LRRTM4: variants seen among roughly 807,000 people sequenced by gnomAD.
LRRTM4 encodes leucine-rich repeat transmembrane neuronal protein 4.
In LRRTM4, 25 loss-of-function variants were observed where a neutral mutation model predicts 47.6. That is an observed-to-expected ratio of 0.53 (90% CI 0.38 to 0.73). LRRTM4 has a LOEUF of 0.73. LRRTM4 is among the 30% of genes least tolerant of loss of function. The pLI, the probability that LRRTM4 is intolerant of heterozygous loss-of-function variation, is 0.00. For missense variants in LRRTM4, 638 were observed against 713.4 expected (o/e 0.89, Z 1.20); for synonymous variants, 311 against 269.5 (o/e 1.15, Z -1.51).
At chr2:77,422,675 T>C (rs1291869956) in intron 3 of LRRTM4, among the ~76,000 whole-genome samples, 1 of 152,180 alleles carries the variant, frequency 6.6e-6, no homozygotes, top group South Asian at 2.1e-4. Flanking sequence ...GGCCTGATGA[T>C]GATATAGAGT....
At chr2:76,865,396 GCC>G (rs1672436496) in intron 3 of LRRTM4, among the ~76,000 whole-genome samples, 2 of 152,088 alleles carry the variant, frequency 1.3e-5, no homozygotes, top group Non-Finnish European at 2.9e-5. Context: ...GATTTACATG[GCC>G]CACCTAGCTC....
chr2:77,035,771 A>G (rs1402898038), intron 3 of LRRTM4, among the ~76,000 whole-genome samples: 1 of 151,758 alleles, frequency 6.6e-6, no homozygotes, highest in African/African-American at 2.4e-5. Flanking sequence ...TTGTTTAGTA[A>G]TTTACCTGTT....
intron 3 of LRRTM4, among the ~76,000 whole-genome samples, chr2:77,384,449 C>T (rs1057173338): frequency 6.6e-6 from 1 of 151,712 alleles, no homozygotes; most frequent in African/African-American, 2.4e-5. Flanking sequence ...GTGTTTTGTA[C>T]AATGTCTAAC....
intron 3 of LRRTM4, among the ~76,000 whole-genome samples, chr2:76,894,646 CA>C (rs1673353866): frequency 1.3e-5 from 2 of 151,826 alleles, no homozygotes; most frequent in Admixed American, 6.6e-5. Context: ...GATGGTATTA[CA>C]AATAAAGCCA....
chr2:77,288,343 A>C (rs1034943482), intron 3 of LRRTM4, among the ~76,000 whole-genome samples: 9 of 151,942 alleles, frequency 5.9e-5, no homozygotes, highest in African/African-American at 2.2e-4. Flanking sequence ...GAAAAATGAT[A>C]TGAAAAACTT....
intron 3 of LRRTM4, among the ~76,000 whole-genome samples, chr2:77,353,952 G>A (rs1671878523): frequency 6.6e-6 from 1 of 152,184 alleles, no homozygotes; most frequent in South Asian, 2.1e-4. Context: ...GACTGCATCT[G>A]TAGAGCAGGG....
At chr2:76,823,179 GA>G (rs1297157324) in intron 3 of LRRTM4, among the ~76,000 whole-genome samples, 1 of 151,172 alleles carries the variant, frequency 6.6e-6, no homozygotes, top group Non-Finnish European at 1.5e-5. Flanking sequence ...GAAATATGTT[GA>G]TATCAATTGA....
At chr2:77,309,656 C>A (rs1281433256) in intron 3 of LRRTM4, among the ~76,000 whole-genome samples, 1 of 150,312 alleles carries the variant, frequency 6.7e-6, no homozygotes, top group East Asian at 2.0e-4. Context: ...CCTTAGCAGG[C>A]CAGAAGTTTA....
chr2:77,041,387 G>C (rs1679027629), intron 3 of LRRTM4, among the ~76,000 whole-genome samples: 1 of 151,426 alleles, frequency 6.6e-6, no homozygotes, highest in Non-Finnish European at 1.5e-5. Context: ...TGGGAGTACA[G>C]GTACCTCCTT....
intron 3 of LRRTM4, among the ~76,000 whole-genome samples, chr2:77,187,128 T>A (rs1421894542): frequency 2.6e-5 from 4 of 152,086 alleles, no homozygotes; most frequent in African/African-American, 9.7e-5. Context: ...GCCACCATAT[T>A]CAGAAATGGG....
chr2:77,519,917 C>A lies in LRRTM4; in HGVS notation c.5-53G>T. On this transcript the variant is annotated intron_variant, in intron 2 of 3. Coordinates refer to ENST00000409884, the MANE Select transcript of LRRTM4 (RefSeq NM_001134745.3). The surrounding 1 kb of genome is among the most constrained non-coding windows in gnomAD (Gnocchi z 4.6). ...ACATTGTGAAGCTATTAAAATAAAT[C>A]ACCGTCGGTTTACCAACAACAGGGG... 1 of 1,483,410 alleles carries A rather than the reference C, an allele frequency of 6.7e-7. No individual in the cohort carries two copies. Among genetic ancestry groups the A allele is most frequent in the Non-Finnish European group, 9.0e-7 (1 of 1,116,200 alleles). 91.9% of individuals were successfully genotyped at this position (1,483,410 alleles called of 1,614,324 possible).
chr2:77,337,897 T>C (rs1265354640), intron 3 of LRRTM4, among the ~76,000 whole-genome samples: 4 of 151,978 alleles, frequency 2.6e-5, no homozygotes, highest in Non-Finnish European at 4.4e-5. Context: ...AATAGACACA[T>C]AGACCAATGC....
At chr2:77,165,103 A>G (rs1328644558) in intron 3 of LRRTM4, among the ~76,000 whole-genome samples, 1 of 152,182 alleles carries the variant, frequency 6.6e-6, no homozygotes, top group Non-Finnish European at 1.5e-5. Flanking sequence ...AGAATCAAAT[A>G]GATGCAATAA....
intron 3 of LRRTM4, among the ~76,000 whole-genome samples, chr2:77,137,750 C>T (rs1356942772): frequency 6.6e-6 from 1 of 152,120 alleles, no homozygotes; most frequent in African/African-American, 2.4e-5. Flanking sequence ...CAGGGACACA[C>T]ATAGGCTCAA....
intron 3 of LRRTM4, among the ~76,000 whole-genome samples, chr2:76,885,021 A>G (rs1010296316): frequency 5.9e-5 from 9 of 152,094 alleles, no homozygotes; most frequent in Non-Finnish European, 1.0e-4. Context: ...GTATAATCAT[A>G]AAGTATAAGC....
intron 3 of LRRTM4, among the ~76,000 whole-genome samples, chr2:77,497,063 G>C (rs1235583526): frequency 1.3e-5 from 2 of 151,492 alleles, no homozygotes; most frequent in Admixed American, 6.6e-5. Context: ...TTACACCTAA[G>C]TTATTAAAGT....
At chr2:77,001,368 T>G (rs772416558) in intron 3 of LRRTM4, among the ~76,000 whole-genome samples, 3 of 152,106 alleles carry the variant, frequency 2.0e-5, no homozygotes, top group Non-Finnish European at 2.9e-5. Flanking sequence ...TACATGGAGA[T>G]CCTGGGTCCC....
chr2:77,065,658 G>A (rs1679926293), intron 3 of LRRTM4, among the ~76,000 whole-genome samples: 1 of 152,124 alleles, frequency 6.6e-6, no homozygotes, highest in Non-Finnish European at 1.5e-5. Flanking sequence ...AATATACTCA[G>A]TATTAGGAAA....
At chr2:77,405,331 G>T (rs1402698497) in intron 3 of LRRTM4, among the ~76,000 whole-genome samples, 1 of 151,992 alleles carries the variant, frequency 6.6e-6, no homozygotes. Flanking sequence ...GGGGGTGGAG[G>T]TCACCCCAGA....
Sources: allele counts gnomAD v4.1 joint callset (sites outside exome capture counted in the v4.1 genomes callset), GRCh38; gene constraint gnomAD v4.1.1; non-coding constraint Gnocchi (gnomAD v3.1); transcripts MANE v1.5; gene names NCBI Gene and HGNC (gene_info 2026-07-23, HGNC 2026-07-21).